Variants in EVC2 observed in about 807,000 individuals in gnomAD.
EVC2 encodes the protein EvC ciliary complex subunit 2.
EVC2 carries 148 observed loss-of-function variants against 149.3 expected under a neutral mutation model. The ratio of observed to expected loss-of-function variants is 0.99; its 90% CI spans 0.87 to 1.14. EVC2 has a LOEUF of 1.14. Ranked by LOEUF, EVC2 falls within the 50% of genes most tolerant of loss-of-function variation. EVC2 has a pLI of 0.00. For synonymous variants in EVC2, 776 were observed against 649.9 expected (o/e 1.19, Z -2.95); for missense variants, 1,854 against 1,627.3 (o/e 1.14, Z -2.40).
At chr4:5,578,082 T>C (rs142708068) in intron 17 of EVC2, among the ~76,000 whole-genome samples, 2 of 152,244 alleles carry the variant, frequency 1.3e-5, no homozygotes, top group East Asian at 3.9e-4. Flanking sequence ...GCTGATGGTG[T>C]CCCCAAACCC....
At chr4:5,545,666 G>A (rs1721601238) in intron 21 of EVC2, among the ~76,000 whole-genome samples, 1 of 152,240 alleles carries the variant, frequency 6.6e-6, no homozygotes, top group South Asian at 2.1e-4. Flanking sequence ...TCATACTAGA[G>A]AGTCCCAATT....
intron 19 of EVC2, among the ~76,000 whole-genome samples, chr4:5,571,784 T>C (rs1409053986): frequency 6.6e-6 from 1 of 152,180 alleles, no homozygotes; most frequent in East Asian, 1.9e-4. Flanking sequence ...CCTCTTGTTG[T>C]TTCTGTGGGG....
At position 5,622,648 on chromosome 4, in the gene EVC2, T is replaced by C; in HGVS notation, c.2390A>G (p.Asp797Gly). The C allele has an allele frequency of 6.2e-7, 1 of 1,614,010 alleles. No individual in the cohort carries two copies. The highest frequency in any genetic ancestry group is 1.7e-5 in the Admixed American group (1 of 60,014). The change falls in exon 14 of 22, where the codon GAC (aspartate) becomes GGC (glycine). Residue 797 changes from aspartate to glycine, a missense_variant. Asp to Gly is a moderately conservative substitution (Grantham distance 94, BLOSUM62 -1). Transcript: ENST00000344408. The surrounding 1 kb of genome is among the most constrained non-coding windows in gnomAD (Gnocchi z 5.8). ...GCTCTGGACACCCTCCTGGTCCCTG[T>C]CCCTCTCCTCCCCCTCCAGCTGCTC... ...RAEQLEGEER[D>G]RDQEGVQSVR...
intron 10 of EVC2, among the ~76,000 whole-genome samples, chr4:5,634,225 G>A (rs927230639): frequency 1.3e-5 from 2 of 152,122 alleles, no homozygotes; most frequent in African/African-American, 2.4e-5. Flanking sequence ...GATTAGATTC[G>A]ACATAATGAG....
intron 1 of EVC2, among the ~76,000 whole-genome samples, chr4:5,706,491 AATGG>A (rs1212887420): frequency 7.2e-6 from 1 of 138,102 alleles, no homozygotes; most frequent in East Asian, 2.1e-4. Context: ...ATATTGAATG[AATGG>A]ATGGATAGAT....
intron 17 of EVC2, among the ~76,000 whole-genome samples, chr4:5,582,053 T>C (rs1711846751): frequency 6.6e-6 from 1 of 152,210 alleles, no homozygotes; most frequent in South Asian, 2.1e-4. Flanking sequence ...AGCCTTCTGC[T>C]GGGGCAGAGC....
chr4:5,588,613 T>G (rs865876884), intron 16 of EVC2, among the ~76,000 whole-genome samples: 2 of 152,150 alleles, frequency 1.3e-5, no homozygotes, highest in African/African-American at 4.8e-5. Flanking sequence ...ATCTTCAAGC[T>G]AACTAATTTT....
At chr4:5,646,075 G>A (rs1717690285) in intron 9 of EVC2, among the ~76,000 whole-genome samples, 1 of 152,152 alleles carries the variant, frequency 6.6e-6, no homozygotes, top group South Asian at 2.1e-4. Context: ...GGGATTACAG[G>A]CGTGTGCCAC....
At position 5,663,143 on chromosome 4, in the gene EVC2, G is replaced by A. The variant is rs770394456; in HGVS notation, c.1109C>T (p.Ser370Phe). The A allele has an allele frequency of 1.1e-5, 18 of 1,614,008 alleles. No individual in the cohort carries two copies. Among genetic ancestry groups the A allele is most frequent in the Non-Finnish European group, 1.3e-5 (15 of 1,180,020 alleles). The stretch of plus-strand genomic sequence containing the variant: ...TTGAAGCATGCTCCCAGGGTCCTCG[G>A]AAGACAGAATGTCTATCATTTGGTC... ...LNDQMIDILSSEDPGSMLQAL... is the reference protein window; with the variant it reads ...LNDQMIDILSFEDPGSMLQAL... The change falls in exon 9 of 22, where the codon TCC (serine) becomes TTC (phenylalanine). Residue 370 changes from serine to phenylalanine, a missense_variant. Transcript: ENST00000344408.
intron 7 of EVC2, among the ~76,000 whole-genome samples, chr4:5,667,068 T>C (rs1719330693): frequency 6.6e-6 from 1 of 152,154 alleles, no homozygotes; most frequent in African/African-American, 2.4e-5. Context: ...TCCCTATAGT[T>C]CTGAATATCT....
chr4:5,619,213 T>C (rs1171794159), intron 14 of EVC2, among the ~76,000 whole-genome samples: 1 of 152,200 alleles, frequency 6.6e-6, no homozygotes, highest in Non-Finnish European at 1.5e-5. Flanking sequence ...GGTTGAATTG[T>C]GGCTCCCAAA....
intron 21 of EVC2, among the ~76,000 whole-genome samples, chr4:5,555,575 G>C (rs950941746): frequency 2.0e-5 from 3 of 152,014 alleles, no homozygotes; most frequent in African/African-American, 7.3e-5. Flanking sequence ...GAATACATAT[G>C]GTAAAGGGAT....
At chr4:5,543,005 G>A in intron 22 of EVC2, 1 of 541,046 alleles carries the variant, frequency 1.8e-6, no homozygotes. Context: ...ACACTGTTAA[G>A]TGATGCGGGC....
intron 14 of EVC2, among the ~76,000 whole-genome samples, chr4:5,621,739 T>C (rs550716226): frequency 1.3e-5 from 2 of 152,330 alleles, no homozygotes; most frequent in East Asian, 1.9e-4. Flanking sequence ...CTCCCATGTC[T>C]TTAAAAACTT....
intron 17 of EVC2, among the ~76,000 whole-genome samples, chr4:5,579,220 C>T (rs1437184966): frequency 1.3e-5 from 2 of 152,154 alleles, no homozygotes; most frequent in African/African-American, 2.4e-5. Flanking sequence ...AGGACAGGAA[C>T]ATGGGCTTTG....
chr4:5,547,525 C>T (rs1721645698), intron 21 of EVC2, among the ~76,000 whole-genome samples: 1 of 152,142 alleles, frequency 6.6e-6, no homozygotes, highest in African/African-American at 2.4e-5. Context: ...CATTCATGGC[C>T]ATCCATGGAC....
chr4:5,576,415 C>G lies in EVC2; in HGVS notation c.3097G>C (p.Val1033Leu). ...TGCTGCTGGGCTGCCTCCTGCTGCA[C>G]CAGCTGGTCCTCCAGCTTCCTCTCC... ...ELERKLEDQL[V>L]QQEAAQQQQA... Residue 1033 changes from valine to leucine, a missense_variant, in exon 18 of 22, where the codon GTG becomes CTG. Physicochemically the swap from Val to Leu is conservative, Grantham distance 32. Coordinates refer to ENST00000344408, the MANE Select transcript of EVC2 (RefSeq NM_147127.5). The surrounding 1 kb of genome is among the most constrained non-coding windows in gnomAD (Gnocchi z 4.5). The G allele has an allele frequency of 6.2e-7, 1 of 1,611,558 alleles. No homozygotes were observed. Among genetic ancestry groups the G allele is most frequent in the Non-Finnish European group, 8.5e-7 (1 of 1,178,810 alleles).
intron 16 of EVC2, among the ~76,000 whole-genome samples, chr4:5,607,685 A>G (rs1577150063): frequency 6.6e-6 from 1 of 152,154 alleles, no homozygotes; most frequent in African/African-American, 2.4e-5. Flanking sequence ...AATTAGTTGC[A>G]CAGCCACTCA....
At chr4:5,577,880 G>A (rs564715169) in intron 17 of EVC2, among the ~76,000 whole-genome samples, 2 of 152,252 alleles carry the variant, frequency 1.3e-5, no homozygotes, top group South Asian at 4.1e-4. Context: ...CTGTCAGCAT[G>A]GCCAGGAGCT....
Sources: gnomAD v4.1 joint callset for allele counts (sites outside exome capture counted in the v4.1 genomes callset) on GRCh38, gnomAD v4.1.1 for gene constraint, Gnocchi (gnomAD v3.1) non-coding constraint, MANE v1.5 for transcripts, NCBI Gene and HGNC (gene_info 2026-07-23, HGNC 2026-07-21) for gene names.